The following GSE1 variants were observed in gnomAD, a reference collection of about 807,000 sequenced individuals.
GSE1 encodes the protein genetic suppressor element 1.
Under a neutral mutation model 112.6 loss-of-function variants are expected in GSE1, and 32 were observed. The observed-to-expected ratio is 0.28, with a 90% CI of 0.21 to 0.38. GSE1 has a LOEUF of 0.38. Among genes scored for constraint, GSE1 ranks in the 10% least tolerant of loss-of-function variants. GSE1 has a pLI of 1.00. For synonymous variants in GSE1, 1,115 were observed against 735.6 expected (o/e 1.52, Z -8.35); for missense variants, 2,348 against 1,699.2 (o/e 1.38, Z -6.71).
intron 2 of GSE1, among the ~76,000 whole-genome samples, chr16:85,641,163 C>A (rs2050411777): frequency 6.6e-6 from 1 of 152,258 alleles, no homozygotes; most frequent in Non-Finnish European, 1.5e-5. Context: ...CCCTGCAGCC[C>A]CTGTGCCCGT....
At chr16:85,224,727 C>T (rs546422189) in intron 1 of GSE1, among the ~76,000 whole-genome samples, 25 of 152,140 alleles carry the variant, frequency 1.6e-4, no homozygotes, top group Middle Eastern at 3.4e-3. Flanking sequence ...CAGTGGCTCA[C>T]GCCTGTAATC....
At chr16:85,508,876 G>A (rs554508344) in intron 2 of GSE1, among the ~76,000 whole-genome samples, 18 of 152,328 alleles carry the variant, frequency 1.2e-4, no homozygotes, top group Middle Eastern at 3.4e-3. Context: ...ATGTACAAAC[G>A]TGTGTGTCAG....
intron 2 of GSE1, among the ~76,000 whole-genome samples, chr16:85,518,723 C>A (rs571678940): frequency 5.3e-5 from 8 of 152,038 alleles, no homozygotes; most frequent in Non-Finnish European, 1.2e-4. Flanking sequence ...ACCCAGCAAG[C>A]AGGGGACGTG....
chr16:85,177,702 C>G (rs1341881054), intron 1 of GSE1, among the ~76,000 whole-genome samples: 2 of 152,174 alleles, frequency 1.3e-5, no homozygotes, highest in African/African-American at 4.8e-5. Context: ...TGCTGTGAGG[C>G]TAAGAACGGG....
chr16:85,518,149 G>A (rs532386024), intron 2 of GSE1, among the ~76,000 whole-genome samples: 275 of 152,328 alleles, frequency 1.8e-3, no homozygotes, highest in African/African-American at 6.3e-3. Flanking sequence ...CCACGGCCCC[G>A]CCATCCCCGG....
chr16:85,498,937 G>A (rs998507471), intron 2 of GSE1, among the ~76,000 whole-genome samples: 1 of 152,272 alleles, frequency 6.6e-6, no homozygotes, highest in African/African-American at 2.4e-5. Flanking sequence ...GCACAGACCG[G>A]GGAGAGAAGA....
chr16:85,410,483 G>A (rs1373536667), intron 2 of GSE1, among the ~76,000 whole-genome samples: 1 of 6,270 alleles, frequency 1.6e-4, no homozygotes, highest in African/African-American at 3.9e-4. Context: ...AATGCTCACT[G>A]TTACACTCAG....
chr16:85,255,437 AG>A (rs1195468912), intron 1 of GSE1, among the ~76,000 whole-genome samples: 46 of 127,438 alleles, frequency 3.6e-4, no homozygotes, highest in African/African-American at 1.4e-3. Context: ...TTTGAGACGG[AG>A]TCTTGCTCTG....
At chr16:85,660,047 A>C (rs565763543) in intron 8 of GSE1, among the ~76,000 whole-genome samples, 76 of 152,346 alleles carry the variant, frequency 5.0e-4, no homozygotes, top group African/African-American at 1.8e-3. Flanking sequence ...CTGCGGGGAC[A>C]GTGGGGAGGG....
At chr16:85,246,628 G>C (rs145904954) in intron 1 of GSE1, among the ~76,000 whole-genome samples, 228 of 152,086 alleles carry the variant, frequency 1.5e-3, no homozygotes, top group African/African-American at 5.2e-3. Context: ...GCTTTGCAGG[G>C]CTGGGAGCCT....
chr16:85,440,324 A>G (rs181606038), intron 2 of GSE1, among the ~76,000 whole-genome samples: 4 of 152,330 alleles, frequency 2.6e-5, no homozygotes, highest in Admixed American at 2.0e-4. Flanking sequence ...GCAAATCACA[A>G]GCCTGGATTG....
At chr16:85,637,464 C>CTT (rs1567694394) in intron 2 of GSE1, among the ~76,000 whole-genome samples, 2 of 152,086 alleles carry the variant, frequency 1.3e-5, no homozygotes, top group East Asian at 3.9e-4. Flanking sequence ...AGTGGCTGTG[C>CTT]CCCCTTGATT....
chr16:85,404,116 TGTTA>T (rs2048188416), intron 2 of GSE1, among the ~76,000 whole-genome samples: 2 of 97,434 alleles, frequency 2.1e-5, no homozygotes, highest in Admixed American at 1.8e-4. Flanking sequence ...TAATCCTCAC[TGTTA>T]CACTCAGGGC....
At chr16:85,478,837 TA>T (rs1364854952) in intron 2 of GSE1, among the ~76,000 whole-genome samples, 1 of 142,898 alleles carries the variant, frequency 7.0e-6, no homozygotes. Context: ...CCCGCTCATT[TA>T]TTTTCTTTCT....
At chr16:85,266,656 C>A (rs1414355327) in intron 1 of GSE1, among the ~76,000 whole-genome samples, 1 of 151,668 alleles carries the variant, frequency 6.6e-6, no homozygotes, top group African/African-American at 2.4e-5. Flanking sequence ...CCCCCTACCT[C>A]TCCAGGGAGG....
At chr16:85,332,322 C>T (rs1458433137) in intron 1 of GSE1, among the ~76,000 whole-genome samples, 2 of 152,220 alleles carry the variant, frequency 1.3e-5, no homozygotes, top group African/African-American at 2.4e-5. Flanking sequence ...CGAATTCCTC[C>T]GTCTCCATAA....
intron 2 of GSE1, among the ~76,000 whole-genome samples, chr16:85,390,921 C>T (rs1178113003): frequency 6.6e-6 from 1 of 152,332 alleles, no homozygotes; most frequent in African/African-American, 2.4e-5. Flanking sequence ...AAGCTCTGGG[C>T]AGGGCTGAGC....
intron 2 of GSE1, among the ~76,000 whole-genome samples, chr16:85,452,179 C>T (rs753436091): frequency 2.6e-5 from 4 of 152,220 alleles, no homozygotes; most frequent in South Asian, 2.1e-4. Context: ...TGGCCTGCAT[C>T]GGGGCCCCGC....
intron 2 of GSE1, among the ~76,000 whole-genome samples, chr16:85,526,568 C>T (rs894292686): frequency 2.0e-5 from 3 of 152,220 alleles, no homozygotes; most frequent in African/African-American, 7.2e-5. Flanking sequence ...CAAAGGGACA[C>T]AGCACAGACA....
Sources: allele counts gnomAD v4.1 joint callset (sites outside exome capture counted in the v4.1 genomes callset), GRCh38; gene constraint gnomAD v4.1.1; transcripts MANE v1.5; gene names NCBI Gene and HGNC (gene_info 2026-07-23, HGNC 2026-07-21).